Variants in CRK observed in about 807,000 individuals in gnomAD.
CRK encodes the protein CRK proto-oncogene, adaptor protein.
Under a neutral mutation model 29.8 loss-of-function variants are expected in CRK, and 4 were observed. The observed-to-expected ratio is 0.13, with a 90% CI of 0.07 to 0.31. The LOEUF (loss-of-function observed/expected upper bound fraction) is 0.31. CRK is among the 10% of genes least tolerant of loss of function. The pLI, the probability that CRK is intolerant of heterozygous loss-of-function variation, is 1.00. For missense variants in CRK, 274 were observed against 396.5 expected, an observed-to-expected ratio of 0.69 and a Z score of 2.62; for synonymous variants, 153 against 164.9, an observed-to-expected ratio of 0.93 and a Z score of 0.55.
rs1243939337 is a variant in CRK, at chr17:1,445,122, T to C, written c.242-7967A>G. On this transcript the variant is annotated intron_variant, in intron 1 of 2. Coordinates refer to ENST00000300574, the MANE Select transcript of CRK (RefSeq NM_016823.4). ...AAGATCGCGCCACTGTACTCCAGCC[T>C]GGGCGACAGAGCGAGACACCGTCAA... is the stretch of plus-strand genomic sequence containing the variant. Among the ~76,000 whole-genome samples, 7 of 148,728 alleles carry C rather than the reference T, an allele frequency of 4.7e-5. No individual in the cohort carries two copies. The Admixed American group carries it at 4.8e-4, about 10-fold the overall frequency.
chr17:1,454,118 C>T (rs771351320), intron 1 of CRK, among the ~76,000 whole-genome samples: 8 of 151,950 alleles, frequency 5.3e-5, no homozygotes, highest in Non-Finnish European at 8.8e-5. Flanking sequence ...GGCAGAATCA[C>T]TTGAACCCAA....
Position 1,456,001 on chromosome 17 carries a change from G to C in CRK, c.117C>G (p.Asp39Glu), listed in dbSNP as rs770651188. ...GQRHGVFLVR[D>E]SSTSPGDYVL... ...CATAGTCCCCGGGGCTGGTGCTCGA[G>C]TCCCGCACCAGGAACACCCCGTGCC... The change falls in exon 1 of 3, where the codon GAC becomes GAG. Residue 39 changes from aspartate (D) to glutamate (E), a missense_variant. Physicochemically the swap from Asp to Glu is conservative, Grantham distance 45. Coordinates refer to ENST00000300574, the MANE Select transcript of CRK (RefSeq NM_016823.4). The C allele has an allele frequency of 1.2e-6, 2 of 1,600,684 alleles. No homozygotes were observed. The highest frequency in any genetic ancestry group is 1.1e-5 in the South Asian group (1 of 89,482).
intron 1 of CRK, among the ~76,000 whole-genome samples, chr17:1,455,534 G>A (rs1300299920): frequency 1.3e-5 from 2 of 152,130 alleles, no homozygotes; most frequent in African/African-American, 4.8e-5. Context: ...TGATGCCCCC[G>A]CAGTGCCAAC....
chr17:1,432,569 A>G (rs1277664831), intron 2 of CRK, among the ~76,000 whole-genome samples: 1 of 150,814 alleles, frequency 6.6e-6, no homozygotes, highest in Non-Finnish European at 1.5e-5. Flanking sequence ...CGAGGTCAGG[A>G]GGTCGAGACC....
At chr17:1,450,862 G>A (rs2150914007) in intron 1 of CRK, among the ~76,000 whole-genome samples, 1 of 151,586 alleles carries the variant, frequency 6.6e-6, no homozygotes, top group Middle Eastern at 3.4e-3. Context: ...CTCCAGACGG[G>A]GCAACAAGAG....
chr17:1,429,889 C>T (rs751899615), intron 2 of CRK, among the ~76,000 whole-genome samples: 12 of 151,138 alleles, frequency 7.9e-5, no homozygotes, highest in African/African-American at 2.9e-4. Context: ...TACAACTGGG[C>T]ACCCTTGCTT....
At chr17:1,450,896 A>G (rs1053487078) in intron 1 of CRK, among the ~76,000 whole-genome samples, 2 of 151,838 alleles carry the variant, frequency 1.3e-5, no homozygotes, top group Non-Finnish European at 2.9e-5. Flanking sequence ...CAAACAAAAC[A>G]AAACAAAACA....
chr17:1,445,750 A>C (rs1286730753), intron 1 of CRK, among the ~76,000 whole-genome samples: 1 of 152,104 alleles, frequency 6.6e-6, no homozygotes, highest in East Asian at 1.9e-4. Flanking sequence ...TGGTCAAGAA[A>C]ACTCTAGGGC....
In CRK at chr17:1,455,988, G is replaced by C; in HGVS notation, c.130C>G (p.Pro44Ala). The C allele has an allele frequency of 6.2e-7, 1 of 1,601,334 alleles. No individual in the cohort carries two copies. The highest frequency in any genetic ancestry group is 8.5e-7 in the Non-Finnish European group (1 of 1,175,440). ...VFLVRDSSTS[P>A]GDYVLSVSEN... The stretch of plus-strand genomic sequence containing the variant: ...GAGACGCTGAGCACATAGTCCCCGG[G>C]GCTGGTGCTCGAGTCCCGCACCAGG... The change falls in exon 1 of 3, where the codon CCC (proline) becomes GCC (alanine). Residue 44 changes from proline (P) to alanine (A), a missense_variant. This residue lies in a region of CRK where 135 missense variants were observed against 180.9 expected (regional missense o/e 0.75). Coordinates refer to ENST00000300574, the MANE Select transcript of CRK (RefSeq NM_016823.4).
At chr17:1,450,916 G>A (rs1324726932) in intron 1 of CRK, among the ~76,000 whole-genome samples, 3 of 151,834 alleles carry the variant, frequency 2.0e-5, no homozygotes, top group Non-Finnish European at 1.5e-5. Flanking sequence ...AAATAGGCCG[G>A]GCGCGGTGGC....
At chr17:1,446,932 A>C (rs1427920259) in intron 1 of CRK, among the ~76,000 whole-genome samples, 1 of 152,186 alleles carries the variant, frequency 6.6e-6, no homozygotes, top group Non-Finnish European at 1.5e-5. Flanking sequence ...TAGACACAGA[A>C]ACGTAAGCAA....
At chr17:1,450,958 C>T (rs1350309513) in intron 1 of CRK, among the ~76,000 whole-genome samples, 12 of 151,714 alleles carry the variant, frequency 7.9e-5, no homozygotes, top group Non-Finnish European at 1.5e-4. Context: ...TTTAGGAGGC[C>T]GAGGCAGGCA....
chr17:1,444,167 A>G (rs2073956179), intron 1 of CRK, among the ~76,000 whole-genome samples: 2 of 152,012 alleles, frequency 1.3e-5, no homozygotes, highest in Non-Finnish European at 2.9e-5. Context: ...TTGCTGCCCA[A>G]GCTAAACTGC....
chr17:1,451,192 C>CAAAAAAAA lies in CRK; in HGVS notation c.241+4677_241+4684dup, dbSNP rs10691537. On this transcript the variant is annotated intron_variant, in intron 1 of 2. Transcript: ENST00000300574. ...TCGGTGACAGAGCGAGAAACTGTCTCAAAAAAAAAAAAAAAAAAAGCAATA... is the reference window on the plus strand; with the variant it reads ...TCGGTGACAGAGCGAGAAACTGTCTCAAAAAAAAAAAAAAAAAAAAAAAAAAAGCAATA... Among the ~76,000 whole-genome samples, 160 of 66,786 alleles carry CAAAAAAAA rather than the reference C, an allele frequency of 2.4e-3. 8 individuals carry two copies. Among genetic ancestry groups the CAAAAAAAA allele is most frequent in the African/African-American group, 7.9e-3 (127 of 16,124 alleles). 43.8% of individuals were successfully genotyped at this position (66,786 alleles called of 152,430 possible). A position where few individuals can be genotyped will look rare whatever the true frequency, so the allele number is the denominator to read the frequency against.
chr17:1,443,431 T>C (rs142075700), intron 1 of CRK, among the ~76,000 whole-genome samples: 3,294 of 152,280 alleles, frequency 0.022, 59 homozygotes, highest in East Asian at 0.09. Flanking sequence ...AGAGTCTCAC[T>C]GTTGCCCAGG....
In CRK at chr17:1,436,623, C is replaced by T. The variant is rs1466283507; in HGVS notation, c.774G>A (p.Leu258=). 5.0e-6 allele frequency: 8 copies of T among 1,598,716 alleles called. No individual in the cohort carries two copies. Among genetic ancestry groups the T allele is most frequent in the Non-Finnish European group, 6.8e-6 (8 of 1,174,552 alleles). Residue 258 remains leucine, a synonymous_variant, in exon 2 of 3, where the codon TTG becomes TTA. Transcript: ENST00000300574. The stretch of plus-strand genomic sequence containing the variant: ...CTACATTGTGCACGTTATGTACCTC[C>T]AAAGCCAAGGCTGTCTTGTCGTAGG... ...PNAYDKTALA[L]EVGELVKVTK...
intron 1 of CRK, among the ~76,000 whole-genome samples, chr17:1,444,704 A>G (rs887908183): frequency 6.6e-5 from 10 of 151,474 alleles, no homozygotes; most frequent in Admixed American, 6.6e-4. Flanking sequence ...CGTGAGTCTC[A>G]TGCCTGTAAT....
At chr17:1,452,552 C>T (rs2074025770) in intron 1 of CRK, among the ~76,000 whole-genome samples, 2 of 152,060 alleles carry the variant, frequency 1.3e-5, no homozygotes, top group Non-Finnish European at 2.9e-5. Flanking sequence ...CTTTGGGAGG[C>T]CGAGGTGGGT....
chr17:1,453,267 G>A (rs1472040842), intron 1 of CRK, among the ~76,000 whole-genome samples: 1 of 152,178 alleles, frequency 6.6e-6, no homozygotes, highest in African/African-American at 2.4e-5. Flanking sequence ...GTTTTGAAAA[G>A]GTGGTGCTCG....
Sources: gnomAD v4.1 joint callset for allele counts (sites outside exome capture counted in the v4.1 genomes callset) on GRCh38, gnomAD v4.1.1 for gene constraint, gnomAD v4.1.1 regional missense constraint, MANE v1.5 for transcripts, NCBI Gene and HGNC (gene_info 2026-07-23, HGNC 2026-07-21) for gene names.